Variants in PTPRK observed in about 807,000 individuals in gnomAD.
PTPRK encodes receptor-type tyrosine-protein phosphatase kappa.
Under a neutral mutation model 178.0 loss-of-function variants are expected in PTPRK, and 75 were observed. That is an observed-to-expected ratio of 0.42 (90% CI 0.35 to 0.51). The LOEUF (loss-of-function observed/expected upper bound fraction) is 0.51. Ranked by LOEUF, PTPRK falls within the 20% of genes least tolerant of loss-of-function variation. The probability of loss-of-function intolerance (pLI) is 0.02; values close to 1 mark genes in which losing one functional copy is unlikely to be tolerated. For missense variants in PTPRK, 1,441 were observed against 1,797.8 expected (o/e 0.80, Z 3.59); for synonymous variants, 637 against 620.6 (o/e 1.03, Z -0.39).
At position 127,995,483 on chromosome 6, in the gene PTPRK, A is replaced by G. The variant is rs759201805; in HGVS notation, c.2823T>C (p.Tyr941=). The G allele has an allele frequency of 3.1e-6, 5 of 1,597,894 alleles. No individual in the cohort carries two copies. Among genetic ancestry groups the G allele is most frequent in the Admixed American group, 1.7e-5 (1 of 58,890 alleles). ...TTACATCAATATAGTTGGCATTAAT[A>G]TAATCTGAGGAAGGATCATCCTCTA... ...QPVEDDPSSD[Y]INANYIDGYQ... is the part of the protein sequence containing the mutation. The change falls in exon 18 of 30, where the codon TAT becomes TAC. Residue 941 remains tyrosine (Y), a synonymous_variant. Transcript: ENST00000368226.
intron 7 of PTPRK, among the ~76,000 whole-genome samples, chr6:128,114,234 A>T (rs1043101601): frequency 1.3e-5 from 2 of 152,042 alleles, no homozygotes; most frequent in East Asian, 3.9e-4. Flanking sequence ...GAAACTTACA[A>T]TTATGGCAGA....
intron 7 of PTPRK, among the ~76,000 whole-genome samples, chr6:128,169,774 A>AT (rs1182824129): frequency 8.1e-6 from 1 of 123,508 alleles, no homozygotes; most frequent in African/African-American, 3.1e-5. Flanking sequence ...TAAATATGTT[A>AT]TTTTTTTAAT....
intron 11 of PTPRK, among the ~76,000 whole-genome samples, chr6:128,070,559 G>A (rs1350001668): frequency 2.0e-5 from 3 of 151,902 alleles, no homozygotes; most frequent in African/African-American, 7.2e-5. Flanking sequence ...AGACTTCTGA[G>A]AACTGGCTTC....
In PTPRK at chr6:128,005,571, T is replaced by G. The variant is rs192087198; in HGVS notation, c.2334-327A>C. Among the ~76,000 whole-genome samples the G allele has an allele frequency of 8.1e-5, 12 of 149,064 alleles. No individual in the cohort carries two copies. The East Asian group carries it at 2.5e-3, about 31-fold the overall frequency. ...ATACCTCCTTACTAGAGTAATTCAA[T>G]AAATATTCAAGCTAAAGCCAAGTTT... On this transcript the variant is annotated intron_variant, in intron 14 of 29. Transcript: ENST00000368226.
At chr6:128,248,558 G>A (rs1379571493) in intron 3 of PTPRK, among the ~76,000 whole-genome samples, 2 of 152,112 alleles carry the variant, frequency 1.3e-5, no homozygotes, top group African/African-American at 4.8e-5. Context: ...GTATCTAAAG[G>A]AGAAGAGATG....
chr6:128,085,968 C>T (rs1413044063), intron 8 of PTPRK, among the ~76,000 whole-genome samples: 1 of 152,152 alleles, frequency 6.6e-6, no homozygotes, highest in Non-Finnish European at 1.5e-5. Context: ...ATCATGTGTA[C>T]AATTATAGAC....
chr6:128,211,657 T>C (rs139580179), intron 6 of PTPRK, among the ~76,000 whole-genome samples: 1,531 of 152,270 alleles, frequency 0.01, 23 homozygotes, highest in African/African-American at 0.035. Flanking sequence ...CATGCTTTAC[T>C]GGTCAGCAGA....
intron 3 of PTPRK, among the ~76,000 whole-genome samples, chr6:128,277,386 A>T (rs1232592895): frequency 6.6e-6 from 1 of 152,194 alleles, no homozygotes; most frequent in African/African-American, 2.4e-5. Flanking sequence ...AAACTGTCAT[A>T]AGAAAATGAT....
intron 1 of PTPRK, among the ~76,000 whole-genome samples, chr6:128,476,729 T>C (rs987733032): frequency 6.6e-6 from 1 of 152,048 alleles, no homozygotes; most frequent in African/African-American, 2.4e-5. Flanking sequence ...AATTTCATTT[T>C]GGTTTGATTC....
intron 2 of PTPRK, among the ~76,000 whole-genome samples, chr6:128,325,817 A>T (rs1829474055): frequency 6.6e-6 from 1 of 152,110 alleles, no homozygotes; most frequent in Non-Finnish European, 1.5e-5. Flanking sequence ...TCCCATTACT[A>T]TGTATATATC....
At chr6:128,424,312 T>G (rs1282438643) in intron 1 of PTPRK, among the ~76,000 whole-genome samples, 1 of 152,168 alleles carries the variant, frequency 6.6e-6, no homozygotes, top group Non-Finnish European at 1.5e-5. Context: ...AGAGAAAGAA[T>G]AGTGGCTGCG....
intron 3 of PTPRK, among the ~76,000 whole-genome samples, chr6:128,316,366 C>T (rs762959821): frequency 1.3e-5 from 2 of 151,984 alleles, no homozygotes; most frequent in Non-Finnish European, 2.9e-5. Context: ...TTCTCCTGAC[C>T]GCTCATTATT....
At chr6:128,175,124 A>G (rs1478374142) in intron 7 of PTPRK, among the ~76,000 whole-genome samples, 1 of 151,936 alleles carries the variant, frequency 6.6e-6, no homozygotes, top group Non-Finnish European at 1.5e-5. Flanking sequence ...ACTCATGTAA[A>G]AGAAAAGCTT....
intron 13 of PTPRK, among the ~76,000 whole-genome samples, chr6:128,040,048 T>C (rs2114832031): frequency 6.6e-6 from 1 of 152,290 alleles, no homozygotes; most frequent in African/African-American, 2.4e-5. Context: ...CGCTAAGAAG[T>C]ACTGTGCTGG....
intron 7 of PTPRK, among the ~76,000 whole-genome samples, chr6:128,125,926 AAT>A (rs1389659098): frequency 1.3e-5 from 2 of 152,030 alleles, no homozygotes; most frequent in Admixed American, 6.6e-5. Context: ...GGTTTTAAAA[AAT>A]AGTTATATTA....
chr6:128,073,715 C>T (rs1349515723), intron 11 of PTPRK, among the ~76,000 whole-genome samples: 1 of 151,942 alleles, frequency 6.6e-6, no homozygotes, highest in South Asian at 2.1e-4. Context: ...GGGCATACTT[C>T]CTCCTATTTT....
intron 1 of PTPRK, among the ~76,000 whole-genome samples, chr6:128,420,513 C>T (rs923739230): frequency 6.6e-6 from 1 of 152,306 alleles, no homozygotes; most frequent in East Asian, 1.9e-4. Context: ...ATGAATGAGA[C>T]TTTGCCATTG....
In PTPRK at chr6:128,082,472, G is replaced by A. The variant is rs1372614538; in HGVS notation, c.1742C>T (p.Pro581Leu). Residue 581 changes from proline (P) to leucine (L), a missense_variant, in exon 10 of 30, where the codon CCA becomes CTA. Transcript: ENST00000368226. ...IRASTVKGFGPATAINVTTNI... is the reference protein window; with the variant it reads ...IRASTVKGFGLATAINVTTNI... ...GGTGGTGACATTGATGGCTGTGGCT[G>A]GACCAAAGCCTTTGACCGTGCTGGC... The A allele has an allele frequency of 1.2e-6, 2 of 1,612,958 alleles. No homozygotes were observed. Among genetic ancestry groups the A allele is most frequent in the Admixed American group, 1.7e-5 (1 of 59,960 alleles).
At chr6:128,371,140 C>CA (rs984705674) in intron 2 of PTPRK, among the ~76,000 whole-genome samples, 1 of 152,162 alleles carries the variant, frequency 6.6e-6, no homozygotes, top group East Asian at 1.9e-4. Context: ...TCTCACCACC[C>CA]AATCAGCAAA....
Sources: gnomAD v4.1 joint callset for allele counts (sites outside exome capture counted in the v4.1 genomes callset) on GRCh38, gnomAD v4.1.1 for gene constraint, MANE v1.5 for transcripts, NCBI Gene and HGNC (gene_info 2026-07-23, HGNC 2026-07-21) for gene names.